Variants in SHLD2 observed in about 807,000 individuals in gnomAD.
SHLD2 encodes shieldin complex subunit 2, also known as RINN1-REV7-interacting novel NHEJ regulator 2.
SHLD2 carries 30 observed loss-of-function variants against 73.2 expected under a neutral mutation model. The ratio of observed to expected loss-of-function variants is 0.41; its 90% CI spans 0.31 to 0.56. The LOEUF (loss-of-function observed/expected upper bound fraction) is 0.56. SHLD2 is among the 20% of genes least tolerant of loss of function. SHLD2 has a pLI of 0.28. For missense variants in SHLD2, 745 were observed against 1,055.9 expected, an observed-to-expected ratio of 0.71 and a Z score of 4.08; for synonymous variants, 285 against 370.1, an observed-to-expected ratio of 0.77 and a Z score of 2.64.
intron 2 of SHLD2, among the ~76,000 whole-genome samples, chr10:87,138,075 A>G (rs1844921576): frequency 6.6e-6 from 1 of 152,156 alleles, no homozygotes; most frequent in South Asian, 2.1e-4. Flanking sequence ...GGAGGTGGGC[A>G]GATCACAAGG....
At chr10:87,188,245 C>T (rs1341153045) in intron 9 of SHLD2, among the ~76,000 whole-genome samples, 1 of 152,164 alleles carries the variant, frequency 6.6e-6, no homozygotes, top group Non-Finnish European at 1.5e-5. Context: ...TGTCTTGTGC[C>T]TTTAGTGGGT....
At chr10:87,180,760 C>A (rs1329896416) in intron 8 of SHLD2, among the ~76,000 whole-genome samples, 1 of 152,154 alleles carries the variant, frequency 6.6e-6, no homozygotes, top group Non-Finnish European at 1.5e-5. Context: ...GGTAAAACTG[C>A]TAATCAGCTC....
intron 2 of SHLD2, among the ~76,000 whole-genome samples, chr10:87,142,591 T>A (rs900930364): frequency 6.6e-6 from 1 of 151,942 alleles, no homozygotes; most frequent in South Asian, 2.1e-4. Flanking sequence ...ACGTTAAAGA[T>A]AGGACCAAAA....
chr10:87,147,088 AC>A (rs67632731), intron 2 of SHLD2, among the ~76,000 whole-genome samples: 13,849 of 137,566 alleles, frequency 0.1, 402 homozygotes, highest in African/African-American at 0.12. Flanking sequence ...AAAAAAAAAA[AC>A]AAAAAAACCT....
intron 2 of SHLD2, chr10:87,113,979 A>G (rs574556600): frequency 6.6e-6 from 1 of 151,708 alleles, no homozygotes; most frequent in African/African-American, 2.4e-5. Context: ...GCCCTCCAGC[A>G]TGGTCAACAG....
At chr10:87,168,394 T>C (rs1301611253) in intron 4 of SHLD2, among the ~76,000 whole-genome samples, 4 of 152,068 alleles carry the variant, frequency 2.6e-5, no homozygotes, top group African/African-American at 4.8e-5. Context: ...TCCAGGAGTT[T>C]GAGACCAGCC....
intron 2 of SHLD2, among the ~76,000 whole-genome samples, chr10:87,135,969 A>G (rs1275129518): frequency 6.6e-6 from 1 of 151,816 alleles, no homozygotes; most frequent in Non-Finnish European, 1.5e-5. Context: ...AGGAAGTTAC[A>G]TATGCGCAGC....
intron 8 of SHLD2, among the ~76,000 whole-genome samples, chr10:87,184,629 T>A (rs560261470): frequency 6.6e-6 from 1 of 152,270 alleles, no homozygotes; most frequent in African/African-American, 2.4e-5. Context: ...AGTCGTCTCC[T>A]TATGCTTGTT....
intron 2 of SHLD2, among the ~76,000 whole-genome samples, chr10:87,116,536 A>C (rs1843266519): frequency 1.3e-5 from 2 of 152,284 alleles, no homozygotes; most frequent in African/African-American, 4.8e-5. Context: ...TTTGGGTGGC[A>C]GGTGAGAATT....
intron 2 of SHLD2, among the ~76,000 whole-genome samples, chr10:87,140,433 A>T (rs11202341): frequency 0.051 from 7,644 of 151,176 alleles, 356 homozygotes; most frequent in African/African-American, 0.13. Flanking sequence ...AAAAAAAAAA[A>T]AAGAAAAAAA....
rs968839859 is a variant in SHLD2 at position 87,190,379 on chromosome 10, G to T, written c.2516-105G>T. 3 of 969,006 alleles carry T rather than the reference G, an allele frequency of 3.1e-6. No individual in the cohort carries two copies. The African/African-American group carries it at 4.8e-5, about 16-fold the overall frequency. The allele number at this position is 969,006 out of a possible 1,614,324, so 60.0% of individuals were successfully genotyped here. A position where few individuals can be genotyped will look rare whatever the true frequency, so the allele number is the denominator to read the frequency against. ...TGGACGGGAGGAGAAATTTAAAATG[G>T]GTTTGAGACTTGAGGAACCAAAAGA... On this transcript the variant is annotated intron_variant, in intron 9 of 9. Transcript: ENST00000298786.
At chr10:87,111,846 T>A (rs897873799) in intron 2 of SHLD2, among the ~76,000 whole-genome samples, 12 of 152,152 alleles carry the variant, frequency 7.9e-5, no homozygotes, top group Admixed American at 5.9e-4. Context: ...CAGAACGGGA[T>A]TAAATATTTG....
chr10:87,152,496 C>T lies in SHLD2; in HGVS notation c.1142C>T (p.Thr381Ile). 7 of 1,611,782 alleles carry T rather than the reference C, an allele frequency of 4.3e-6. No individual in the cohort carries two copies. The highest frequency in any genetic ancestry group is 5.9e-6 in the Non-Finnish European group (7 of 1,179,834). Reference protein sequence around the residue: ...FHKSAIKRSCTSEDKVGQSEA... With the variant: ...FHKSAIKRSCISEDKVGQSEA... ...AAAAGTGCTATTAAAAGAAGCTGTA[C>T]CTCTGAAGATAAAGTGGGCCAGTCT... Residue 381 changes from threonine (T) to isoleucine (I), a missense_variant, in exon 3 of 10, where the codon ACC (threonine) becomes ATC (isoleucine). Around this residue, in one of 5 missense-constraint regions of SHLD2, gnomAD observed 20 missense variants for 26.9 expected, o/e 0.74. Coordinates refer to ENST00000298786, the MANE Select transcript of SHLD2 (RefSeq NM_001330112.2).
rs538748017 is a variant in SHLD2, at chr10:87,137,580, T to A, written c.-5-13770T>A. Among the ~76,000 whole-genome samples, 3 of 152,144 alleles carry A rather than the reference T, an allele frequency of 2.0e-5. No individual in the cohort carries two copies. In the East Asian group the frequency reaches 5.8e-4, roughly 29 times the overall value. On this transcript the variant is annotated intron_variant, in intron 2 of 9. Transcript: ENST00000298786. ...TTTAGATCTGTGGGATAATATCAGA[T>A]GGTCTAACATATATGTAATTGGAGT...
chr10:87,094,892 C>G, upstream of SHLD2: 2 of 643,092 alleles, frequency 3.1e-6, no homozygotes, highest in Non-Finnish European at 2.5e-6. This position sits in a 1 kb window ranked among gnomAD's most constrained non-coding sequence, Gnocchi z 6.6. Context: ...TCCTGCTTGC[C>G]CGGCTGTCCC....
chr10:87,152,656 C>T lies in SHLD2; in HGVS notation c.1302C>T (p.Asn434=). 1 of 1,610,474 alleles carries T rather than the reference C, an allele frequency of 6.2e-7. No homozygotes were observed. The highest frequency in any genetic ancestry group is 8.5e-7 in the Non-Finnish European group (1 of 1,179,430). ...TTAAAAAAACATCATTAATAAAAAA[C>T]TGTGATTCTAAAAGCCAGAAGTATA... The part of the protein sequence containing the change: ...KSIKKTSLIK[N]CDSKSQKYNC... The change falls in exon 3 of 10, where the codon AAC becomes AAT. Residue 434 remains asparagine (N), a synonymous_variant. Coordinates refer to ENST00000298786, the MANE Select transcript of SHLD2 (RefSeq NM_001330112.2).
chr10:87,181,884 C>T (rs1407433622), intron 8 of SHLD2, among the ~76,000 whole-genome samples: 2 of 150,782 alleles, frequency 1.3e-5, no homozygotes, highest in Admixed American at 1.3e-4. Context: ...ATTCTTCTGT[C>T]TCAGCCTCCC....
chr10:87,190,759 A>C lies in SHLD2; in HGVS notation c.*76A>C, dbSNP rs1849019678. ...TTGTCTTTTGAAATAAATGAATGAC[A>C]GGGCTTTTGCTTTGGATTTTTTATG... is the stretch of plus-strand genomic sequence containing the variant. On this transcript the variant is annotated 3_prime_UTR_variant, in exon 10 of 10. Transcript: ENST00000298786. 8.1e-7 allele frequency: 1 copy of C among 1,231,224 alleles called. No individual in the cohort carries two copies. The highest frequency in any genetic ancestry group is 1.3e-5 in the South Asian group (1 of 79,510). The allele number at this position is 1,231,224 out of a possible 1,614,324, so 76.3% of individuals were successfully genotyped here. A position where few individuals can be genotyped will look rare whatever the true frequency, so the allele number is the denominator to read the frequency against.
intron 2 of SHLD2, among the ~76,000 whole-genome samples, chr10:87,109,438 A>G (rs964352744): frequency 6.6e-6 from 1 of 151,452 alleles, no homozygotes; most frequent in African/African-American, 2.4e-5. Flanking sequence ...AGCTGGGATT[A>G]TAGGCGCTTC....
Sources: allele counts gnomAD v4.1 joint callset (sites outside exome capture counted in the v4.1 genomes callset), GRCh38; gene constraint gnomAD v4.1.1; regional missense constraint gnomAD v4.1.1; non-coding constraint Gnocchi (gnomAD v3.1); transcripts MANE v1.5; gene names NCBI Gene and HGNC (gene_info 2026-07-23, HGNC 2026-07-21).